PIK3AP1: variants seen among roughly 807,000 people sequenced by gnomAD.
The protein encoded by PIK3AP1 is phosphoinositide 3-kinase adapter protein 1.
PIK3AP1 carries 21 observed loss-of-function variants against 88.1 expected under a neutral mutation model. That is an observed-to-expected ratio of 0.24 (90% CI 0.17 to 0.34). The LOEUF is 0.34. Ranked by LOEUF, PIK3AP1 falls within the 10% of genes least tolerant of loss-of-function variation. The pLI is 1.00. For synonymous variants in PIK3AP1, 398 were observed against 400.0 expected, an observed-to-expected ratio of 1.00 and a Z score of 0.06; for missense variants, 828 against 1,035.7, an observed-to-expected ratio of 0.80 and a Z score of 2.75.
At chr10:96,703,242 G>T (rs1844322112) in intron 2 of PIK3AP1, among the ~76,000 whole-genome samples, 1 of 152,050 alleles carries the variant, frequency 6.6e-6, no homozygotes, top group Non-Finnish European at 1.5e-5. Context: ...ACAAAGGCAG[G>T]CCAGATGTAG....
chr10:96,606,113 G>T (rs536465425), intron 14 of PIK3AP1, among the ~76,000 whole-genome samples: 1 of 152,054 alleles, frequency 6.6e-6, no homozygotes, highest in East Asian at 1.9e-4. Flanking sequence ...AAAGGAACAT[G>T]TGATCCTGTC....
intron 2 of PIK3AP1, among the ~76,000 whole-genome samples, chr10:96,708,440 T>C (rs1333901010): frequency 2.6e-5 from 4 of 151,056 alleles, no homozygotes; most frequent in Admixed American, 6.6e-5. Flanking sequence ...CCAGGTGTGG[T>C]GGTGGGCACC....
chr10:96,637,641 T>C (rs1843330950), intron 8 of PIK3AP1, among the ~76,000 whole-genome samples: 1 of 152,132 alleles, frequency 6.6e-6, no homozygotes, highest in African/African-American at 2.4e-5. Flanking sequence ...TGAGCCACCA[T>C]GCGTGGCCTA....
chr10:96,623,384 G>A (rs1843113665), intron 11 of PIK3AP1, 88 bp downstream of exon 11: 4 of 1,278,300 alleles, frequency 3.1e-6, no homozygotes, highest in Non-Finnish European at 4.5e-6. Flanking sequence ...ATTTTTCAAT[G>A]TCAAGGAGCT....
At position 96,623,513 on chromosome 10, in the gene PIK3AP1, C is replaced by T. The variant is rs201086332; in HGVS notation, c.1694G>A (p.Arg565Gln). 12 of 1,611,428 alleles carry T rather than the reference C, an allele frequency of 7.4e-6. No homozygotes were observed. The highest frequency in any genetic ancestry group is 2.2e-5 in the East Asian group (1 of 44,874). Reference protein sequence around the residue: ...FKVFAEKSQERPGNFYVSSES... With the variant: ...FKVFAEKSQEQPGNFYVSSES... Reference sequence around the variant, plus strand: ...TGAGGAAACGTAGAAATTCCCAGGCCGCTCTTGACTTTTTTCTGCAAAAAC... The same window carrying T: ...TGAGGAAACGTAGAAATTCCCAGGCTGCTCTTGACTTTTTTCTGCAAAAAC... Residue 565 changes from arginine (R) to glutamine (Q), a missense_variant, in exon 11 of 17, where the codon CGG becomes CAG. By Grantham distance (43) the Arg-to-Gln change is conservative. Around this residue, in one of 3 missense-constraint regions of PIK3AP1, gnomAD observed 610 missense variants for 760.1 expected, o/e 0.80. Transcript: ENST00000339364.
Position 96,652,683 on chromosome 10 carries a change from C to T in PIK3AP1, c.712+15G>A. The stretch of plus-strand genomic sequence containing the variant: ...ATGAAGCCCTATGTCATCACATTCA[C>T]AGGGGACTACTTACTGGGAGCCTTC... On this transcript the variant is annotated intron_variant, in intron 4 of 16. Coordinates refer to ENST00000339364, the MANE Select transcript of PIK3AP1 (RefSeq NM_152309.3). 1 of 1,613,538 alleles carries T rather than the reference C, an allele frequency of 6.2e-7. No homozygotes were observed. The highest frequency in any genetic ancestry group is 1.3e-5 in the African/African-American group (1 of 75,032).
intron 2 of PIK3AP1, among the ~76,000 whole-genome samples, chr10:96,662,355 C>CT (rs1328057692): frequency 6.6e-6 from 1 of 150,810 alleles, no homozygotes; most frequent in Non-Finnish European, 1.5e-5. Flanking sequence ...AATCCCTGCA[C>CT]TTTTGGGAGG....
At position 96,709,608 on chromosome 10, in the gene PIK3AP1, G is replaced by A. The variant is rs1844410541; in HGVS notation, c.389C>T (p.Pro130Leu). ...TTTCACAGCTGCCACGTAGGTCTCT[G>A]GCTCATCGTCACAGGTGAGCTCCTG... ...HWQELTCDDE[P>L]ETYVAAVKKA... The change falls in exon 2 of 17, where the codon CCA becomes CTA. Residue 130 changes from proline (P) to leucine (L), a missense_variant. By Grantham distance (98) the Pro-to-Leu change is moderately conservative. This residue lies in a region of PIK3AP1 where 610 missense variants were observed against 760.1 expected (regional missense o/e 0.80). Coordinates refer to ENST00000339364, the MANE Select transcript of PIK3AP1 (RefSeq NM_152309.3). 1 of 1,613,942 alleles carries A rather than the reference G, an allele frequency of 6.2e-7. No homozygotes were observed. The highest frequency in any genetic ancestry group is 8.5e-7 in the Non-Finnish European group (1 of 1,179,918).
At chr10:96,718,212 A>G (rs1844527592) in intron 1 of PIK3AP1, among the ~76,000 whole-genome samples, 1 of 152,264 alleles carries the variant, frequency 6.6e-6, no homozygotes, top group Non-Finnish European at 1.5e-5. Flanking sequence ...AAATGTCCCA[A>G]AATTGACTGT....
intron 11 of PIK3AP1, among the ~76,000 whole-genome samples, chr10:96,621,893 C>T (rs1843089538): frequency 6.6e-6 from 1 of 152,226 alleles, no homozygotes; most frequent in Admixed American, 6.5e-5. Flanking sequence ...GCAGCACCCC[C>T]TTCTTGAGTT....
At chr10:96,646,123 G>A (rs913931273) in intron 7 of PIK3AP1, among the ~76,000 whole-genome samples, 1 of 152,150 alleles carries the variant, frequency 6.6e-6, no homozygotes. Context: ...AGCCGGGCAT[G>A]GTGGAGCACG....
intron 8 of PIK3AP1, among the ~76,000 whole-genome samples, chr10:96,637,314 TCACACACA>T (rs55885337): frequency 0.021 from 2,741 of 128,042 alleles, 83 homozygotes; most frequent in African/African-American, 0.069. Flanking sequence ...AGATATACAA[TCACACACA>T]CACACACACA....
intron 7 of PIK3AP1, among the ~76,000 whole-genome samples, chr10:96,646,905 C>T (rs1021854354): frequency 2.0e-5 from 3 of 152,204 alleles, no homozygotes; most frequent in African/African-American, 7.2e-5. Flanking sequence ...CAAAAATCCT[C>T]ATTTTCACCA....
intron 2 of PIK3AP1, among the ~76,000 whole-genome samples, chr10:96,680,361 A>G (rs1419309633): frequency 2.0e-5 from 3 of 152,158 alleles, no homozygotes; most frequent in African/African-American, 7.2e-5. Flanking sequence ...TTATATAAGT[A>G]AATGGATGTC....
chr10:96,648,794 G>T lies in PIK3AP1; in HGVS notation c.1050C>A (p.Asn350Lys). The change falls in exon 7 of 17, where the codon AAC (asparagine) becomes AAA (lysine). Residue 350 changes from asparagine (N) to lysine (K), a missense_variant. Asn to Lys is a moderately conservative substitution (Grantham distance 94). Around this residue, in one of 3 missense-constraint regions of PIK3AP1, gnomAD observed 610 missense variants for 760.1 expected, o/e 0.80. Transcript: ENST00000339364. ...LHFAAKYGLKNLTALLLTCPG... is the reference protein window; with the variant it reads ...LHFAAKYGLKKLTALLLTCPG... ...GGCAGGTGAGCAACAAGGCAGTGAGGTTCTTCAGTCCATACTTCGCAGCAA... is the reference window on the plus strand; with the variant it reads ...GGCAGGTGAGCAACAAGGCAGTGAGTTTCTTCAGTCCATACTTCGCAGCAA... 2.5e-6 allele frequency: 4 copies of T among 1,606,380 alleles called. No homozygotes were observed. Among genetic ancestry groups the T allele is most frequent in the South Asian group, 2.2e-5 (2 of 89,460 alleles).
At chr10:96,704,706 G>A (rs761024944) in intron 2 of PIK3AP1, among the ~76,000 whole-genome samples, 4 of 150,568 alleles carry the variant, frequency 2.7e-5, no homozygotes, top group East Asian at 1.9e-4. Flanking sequence ...GTGACAGAGC[G>A]AGACTCTATC....
At chr10:96,629,909 C>CAAAAAAAAAAAAAAAA (rs66669261) in intron 8 of PIK3AP1, among the ~76,000 whole-genome samples, 1 of 5,416 alleles carries the variant, frequency 1.8e-4, no homozygotes, top group African/African-American at 2.5e-4. Context: ...CAACAACAAC[C>CAAAAAAAAAAAAAAAA]AAAAAAAAAA....
chr10:96,680,350 G>C (rs1843982702), intron 2 of PIK3AP1, among the ~76,000 whole-genome samples: 1 of 151,776 alleles, frequency 6.6e-6, no homozygotes, highest in Non-Finnish European at 1.5e-5. Flanking sequence ...GTGCAGGTTT[G>C]TTATATAAGT....
Position 96,639,290 on chromosome 10 carries a change from T to G in PIK3AP1, c.1375+6183A>C, listed in dbSNP as rs184141516. ...ACATCTTATTTTCTGGTAGCTCAAA[T>G]TCAAGAAATCGCTGAACACCTATTG... On this transcript the variant is annotated intron_variant, in intron 8 of 16. Coordinates refer to ENST00000339364, the MANE Select transcript of PIK3AP1 (RefSeq NM_152309.3). Among the ~76,000 whole-genome samples the G allele has an allele frequency of 5.5e-3, 843 of 152,288 alleles. 6 individuals carry two copies. The highest frequency in any genetic ancestry group is 0.019 in the African/African-American group (802 of 41,532).
Sources: gnomAD v4.1 joint callset for allele counts (sites outside exome capture counted in the v4.1 genomes callset) on GRCh38, gnomAD v4.1.1 for gene constraint, gnomAD v4.1.1 regional missense constraint, MANE v1.5 for transcripts, NCBI Gene and HGNC (gene_info 2026-07-23, HGNC 2026-07-21) for gene names.